Variants in ETV6 observed in about 807,000 individuals in gnomAD.
ETV6 encodes transcription factor ETV6.
Under a neutral mutation model 51.1 loss-of-function variants are expected in ETV6, and 16 were observed. The ratio of observed to expected loss-of-function variants is 0.31; its 90% CI spans 0.21 to 0.48. The LOEUF (loss-of-function observed/expected upper bound fraction) is 0.48, where lower values mean the gene tolerates loss of function less well. Ranked by LOEUF, ETV6 falls within the 20% of genes least tolerant of loss-of-function variation. ETV6 has a pLI of 0.99. For synonymous variants in ETV6, 240 were observed against 224.1 expected, an observed-to-expected ratio of 1.07 and a Z score of -0.64; for missense variants, 458 against 594.8, an observed-to-expected ratio of 0.77 and a Z score of 2.39.
intron 2 of ETV6, among the ~76,000 whole-genome samples, chr12:11,773,890 C>A (rs942250452): frequency 1.3e-5 from 2 of 152,204 alleles, no homozygotes; most frequent in African/African-American, 4.8e-5. Context: ...ATGTGGTGGA[C>A]CTGAACATTG....
chr12:11,768,940 G>C, intron 2 of ETV6: 1 of 486,814 alleles, frequency 2.1e-6, no homozygotes, highest in Admixed American at 2.1e-5. Context: ...GGCTTGTTCT[G>C]AAGAAAATTC....
intron 2 of ETV6, among the ~76,000 whole-genome samples, chr12:11,801,379 C>T (rs911645594): frequency 2.6e-5 from 4 of 152,184 alleles, no homozygotes; most frequent in Admixed American, 6.5e-5. Context: ...AATGTAAAAG[C>T]TTATTTAATA....
At chr12:11,853,694 A>G (rs904432037) in intron 4 of ETV6, 133 bp downstream of exon 4, 8 of 986,338 alleles carry the variant, frequency 8.1e-6, no homozygotes, top group Middle Eastern at 2.7e-4. Context: ...AGTGCTTACT[A>G]TGTACAAAAT....
At chr12:11,701,059 A>G (rs1174818580) in intron 1 of ETV6, among the ~76,000 whole-genome samples, 1 of 150,880 alleles carries the variant, frequency 6.6e-6, no homozygotes, top group Non-Finnish European at 1.5e-5. Flanking sequence ...ACTGTCCTTT[A>G]TGTCCCTATG....
In ETV6 at chr12:11,752,626, C is replaced by T. The variant is rs200112014; in HGVS notation, c.163+47C>T. The T allele has an allele frequency of 2.3e-3, 3,614 of 1,569,276 alleles. 16 individuals carry two copies. The highest frequency in any genetic ancestry group is 0.018 in the Middle Eastern group (79 of 4,508). Reference sequence around the variant, plus strand: ...GGGACAGAGGATTGATGGCGTGGGGCGGGGGTGGCAGGCAGTGGGCTCCAG... The same window carrying T: ...GGGACAGAGGATTGATGGCGTGGGGTGGGGGTGGCAGGCAGTGGGCTCCAG... On this transcript the variant is annotated intron_variant, in intron 2 of 7. Coordinates refer to ENST00000396373, the MANE Select transcript of ETV6 (RefSeq NM_001987.5).
intron 2 of ETV6, among the ~76,000 whole-genome samples, chr12:11,755,388 A>G (rs1944991692): frequency 6.6e-6 from 1 of 152,078 alleles, no homozygotes. Context: ...AACTTTATAT[A>G]CCTCTCCTTG....
chr12:11,764,999 C>T (rs1462263755), intron 2 of ETV6, among the ~76,000 whole-genome samples: 1 of 152,104 alleles, frequency 6.6e-6, no homozygotes, highest in Non-Finnish European at 1.5e-5. Flanking sequence ...GAAGCCAAAG[C>T]CCTATTGCCT....
intron 1 of ETV6, among the ~76,000 whole-genome samples, chr12:11,681,264 C>T (rs1472547138): frequency 6.6e-6 from 1 of 152,198 alleles, no homozygotes; most frequent in African/African-American, 2.4e-5. Context: ...CAGTGTACTA[C>T]AGATTTGGGG....
chr12:11,819,700 C>T (rs1420473168), intron 2 of ETV6, among the ~76,000 whole-genome samples: 1 of 152,186 alleles, frequency 6.6e-6, no homozygotes, highest in Non-Finnish European at 1.5e-5. Context: ...TTGAATTAAT[C>T]TCTTAAGTTC....
intron 1 of ETV6, among the ~76,000 whole-genome samples, chr12:11,696,042 T>C (rs1055323772): frequency 1.3e-5 from 2 of 151,758 alleles, no homozygotes; most frequent in African/African-American, 4.8e-5. Flanking sequence ...AAAAAGAAAC[T>C]TTTTCCTCTA....
intron 1 of ETV6, among the ~76,000 whole-genome samples, chr12:11,654,222 A>G (rs1171630404): frequency 6.6e-6 from 1 of 152,252 alleles, no homozygotes; most frequent in Non-Finnish European, 1.5e-5. Context: ...GAATTGCTTT[A>G]ACAGGTTCAG....
In ETV6 at chr12:11,676,097, A is replaced by G. The variant is rs572848617; in HGVS notation, c.33+25937A>G. Among the ~76,000 whole-genome samples, 59 of 152,108 alleles carry G rather than the reference A, an allele frequency of 3.9e-4. No individual in the cohort carries two copies. In the Middle Eastern group the frequency reaches 0.014, roughly 35 times the overall value. On this transcript the variant is annotated intron_variant, in intron 1 of 7. Coordinates refer to ENST00000396373, the MANE Select transcript of ETV6 (RefSeq NM_001987.5). Reference sequence around the variant, plus strand: ...TGGCCACTTCTTGCTTGTTCATGTCACTTTCTTTGTCAGTTTGGAATGGGC... The same window carrying G: ...TGGCCACTTCTTGCTTGTTCATGTCGCTTTCTTTGTCAGTTTGGAATGGGC...
intron 2 of ETV6, among the ~76,000 whole-genome samples, chr12:11,760,878 A>ATGTATGTGTG (rs1555125117): frequency 1.0e-4 from 15 of 148,426 alleles, no homozygotes; most frequent in Non-Finnish European, 1.5e-4. Context: ...TATTATATAT[A>ATGTATGTGTG]TGTGTGTGTG....
At chr12:11,739,525 A>G (rs1865769650) in intron 1 of ETV6, among the ~76,000 whole-genome samples, 1 of 152,246 alleles carries the variant, frequency 6.6e-6, no homozygotes, top group Admixed American at 6.5e-5. Flanking sequence ...TAGCTTGGAT[A>G]TGTGAATTTA....
Position 11,883,276 on chromosome 12 carries a change from C to CTTCTTCTTTTTTTTTTTTTTTT in ETV6, c.1010-1167_1010-1166insCTTCTTTTTTTTTTTTTTTTTT, listed in dbSNP as rs776231778. Among the ~76,000 whole-genome samples, 10 of 79,112 alleles carry CTTCTTCTTTTTTTTTTTTTTTT rather than the reference C, an allele frequency of 1.3e-4. 1 individual carries two copies. The highest frequency in any genetic ancestry group is 1.6e-4 in the Admixed American group (1 of 6,396). 51.9% of individuals were successfully genotyped at this position (79,112 alleles called of 152,430 possible). A position where few individuals can be genotyped will look rare whatever the true frequency, so the allele number is the denominator to read the frequency against. Reference sequence around the variant, plus strand: ...GGGAAGGTGTACATCATGTCTTCTTCTTTTTTTTTTTTTTTTTTTTTTTTT... The same window carrying CTTCTTCTTTTTTTTTTTTTTTT: ...GGGAAGGTGTACATCATGTCTTCTTCTTCTTCTTTTTTTTTTTTTTTTTTTTTTTTTTTTTTTTTTTTTTTTT... On this transcript the variant is annotated intron_variant, in intron 5 of 7. Coordinates refer to ENST00000396373, the MANE Select transcript of ETV6 (RefSeq NM_001987.5).
chr12:11,867,150 A>G (rs1393732725), intron 4 of ETV6, among the ~76,000 whole-genome samples: 4 of 152,152 alleles, frequency 2.6e-5, no homozygotes, highest in Admixed American at 6.5e-5. Context: ...AGTTTTTTCA[A>G]TGTATTTAAT....
At chr12:11,789,055 CAG>C (rs1945535491) in intron 2 of ETV6, among the ~76,000 whole-genome samples, 1 of 152,052 alleles carries the variant, frequency 6.6e-6, no homozygotes, top group African/African-American at 2.4e-5. Context: ...TGTTTTGAGA[CAG>C]AGGCTCACAT....
intron 1 of ETV6, among the ~76,000 whole-genome samples, chr12:11,713,821 C>G (rs775256889): frequency 6.6e-6 from 1 of 152,142 alleles, no homozygotes; most frequent in Non-Finnish European, 1.5e-5. Context: ...AAAAAATCCT[C>G]TCCTGTGTTC....
At chr12:11,738,222 T>TTCCC (rs530472593) in intron 1 of ETV6, among the ~76,000 whole-genome samples, 4 of 138,520 alleles carry the variant, frequency 2.9e-5, no homozygotes, top group Non-Finnish European at 4.9e-5. Context: ...CCTTCCTTCC[T>TTCCC]TCCCTCCCTC....
Sources: allele counts gnomAD v4.1 joint callset (sites outside exome capture counted in the v4.1 genomes callset), GRCh38; gene constraint gnomAD v4.1.1; transcripts MANE v1.5; gene names NCBI Gene and HGNC (gene_info 2026-07-23, HGNC 2026-07-21).